The following NAPSA variants were observed in gnomAD, a reference collection of about 807,000 sequenced individuals.
NAPSA encodes napsin A aspartic peptidase.
NAPSA carries 37 observed loss-of-function variants against 36.7 expected under a neutral mutation model. The observed-to-expected ratio is 1.01, with a 90% confidence interval of 0.78 to 1.33. The LOEUF (loss-of-function observed/expected upper bound fraction) is 1.33. NAPSA is among the 40% of genes most tolerant of loss of function. NAPSA has a pLI of 0.00. For missense variants in NAPSA, 532 were observed against 543.8 expected (o/e 0.98, Z 0.21); for synonymous variants, 222 against 234.5 (o/e 0.95, Z 0.49).
intron 2 of NAPSA, 30 bp from the exon 3 acceptor site, chr19:50,362,122 A>C: frequency 6.2e-7 from 1 of 1,613,634 alleles, no homozygotes; most frequent in South Asian, 1.1e-5. Context: ...GTAAACGAAG[A>C]GTTTGGCTCA....
chr19:50,359,165 T>G, intron 7 of NAPSA, 56 bp from the exon 8 acceptor site: 1 of 1,463,906 alleles, frequency 6.8e-7, no homozygotes, highest in Non-Finnish European at 9.5e-7. Context: ...TTCAGTCCCT[T>G]CCGTGGCTCC....
intron 5 of NAPSA, 93 bp from the exon 6 acceptor site, chr19:50,359,955 G>GGAGTTGTT: frequency 6.6e-7 from 1 of 1,519,994 alleles, no homozygotes; most frequent in Non-Finnish European, 8.9e-7. Context: ...CCCACCAACT[G>GGAGTTGTT]GGTTGTTTCT....
chr19:50,368,916 G>A (rs555711663), upstream of NAPSA, among the ~76,000 whole-genome samples: 12 of 152,310 alleles, frequency 7.9e-5, no homozygotes, highest in East Asian at 3.9e-4. Context: ...ACGGGAAAAG[G>A]AGCAGAACAG....
At chr19:50,367,594 C>G (rs550982966), upstream of NAPSA, among the ~76,000 whole-genome samples, 7 of 151,066 alleles carry the variant, frequency 4.6e-5, no homozygotes, top group East Asian at 1.4e-3. Context: ...CTCTGTCTCT[C>G]TCTCTCTGCT....
At chr19:50,368,829 G>A (rs1195787106), upstream of NAPSA, among the ~76,000 whole-genome samples, 5 of 152,252 alleles carry the variant, frequency 3.3e-5, no homozygotes, top group African/African-American at 9.6e-5. Flanking sequence ...GGAACACCAG[G>A]CTCTCTCCAG....
chr19:50,358,961 C>T (rs373362023), intron 8 of NAPSA, 50 bp downstream of exon 8: 43 of 1,528,158 alleles, frequency 2.8e-5, no homozygotes, highest in Non-Finnish European at 3.8e-5. Context: ...GCTCTACCCT[C>T]TCAAACCGTC....
At chr19:50,359,351 C>T in intron 7 of NAPSA, 152 bp downstream of exon 7, 1 of 1,082,706 alleles carries the variant, frequency 9.2e-7, no homozygotes, top group South Asian at 1.5e-5. Flanking sequence ...CTCAATTCCT[C>T]CACCACCCTC....
rs189502952 is a variant in NAPSA at position 50,363,090 on chromosome 19, A to G, written c.84-777T>C. The stretch of plus-strand genomic sequence containing the variant: ...ATTAGGTTCAAAAAGCAGGTTAACA[A>G]GCACCATGTGCGGTAATATCTTCGT... On this transcript the variant is annotated intron_variant, in intron 1 of 8. Coordinates refer to ENST00000253719, the MANE Select transcript of NAPSA (RefSeq NM_004851.3). Among the ~76,000 whole-genome samples, 23 of 152,312 alleles carry G rather than the reference A, an allele frequency of 1.5e-4. 1 individual carries two copies. Among genetic ancestry groups the G allele is most frequent in the African/African-American group, 5.5e-4 (23 of 41,548 alleles).
Position 50,359,868 on chromosome 19 carries a change from G to A in NAPSA, c.669-6C>T, listed in dbSNP as rs753918630. 1 of 1,613,548 alleles carries A rather than the reference G, an allele frequency of 6.2e-7. No individual in the cohort carries two copies. Among genetic ancestry groups the A allele is most frequent in the Middle Eastern group, 1.6e-4 (1 of 6,062 alleles). On this transcript the variant is annotated splice_polypyrimidine_tract_variant and splice_region_variant and intron_variant, in intron 5 of 8. Coordinates refer to ENST00000253719, the MANE Select transcript of NAPSA (RefSeq NM_004851.3). The stretch of plus-strand genomic sequence containing the variant: ...CATCAGGCTCTTCAGGGTCCCTGCA[G>A]GGGCAGAGTGTAGAGAGTGTAGATG...
chr19:50,368,828 G>A (rs56234408), upstream of NAPSA, among the ~76,000 whole-genome samples: 1,367 of 152,350 alleles, frequency 9.0e-3, 23 homozygotes, highest in African/African-American at 0.03. Flanking sequence ...TGGAACACCA[G>A]GCTCTCTCCA....
At position 50,358,630 on chromosome 19, in the gene NAPSA, C is replaced by G; in HGVS notation, c.1186G>C (p.Val396Leu). ...DRGDMKSSAR[V>L]GLARARTRGA... ...CGAGTGCGAGCGCGCGCCAGGCCCA[C>G]CCGGGCGCTGCTCTTCATGTCCCCG... Residue 396 changes from valine to leucine, a missense_variant, in exon 9 of 9, where the codon GTG (valine) becomes CTG (leucine). By Grantham distance (32) the Val-to-Leu change is conservative. Transcript: ENST00000253719. The G allele has an allele frequency of 6.2e-7, 1 of 1,612,820 alleles. No individual in the cohort carries two copies. Among genetic ancestry groups the G allele is most frequent in the Non-Finnish European group, 8.5e-7 (1 of 1,179,876 alleles).
At chr19:50,367,761 C>T (rs2037567816), upstream of NAPSA, among the ~76,000 whole-genome samples, 1 of 152,156 alleles carries the variant, frequency 6.6e-6, no homozygotes, top group African/African-American at 2.4e-5. Context: ...TAGCAGGTTC[C>T]AAAGGCAGCC....
At chr19:50,360,412 G>A (rs2037456755) in intron 5 of NAPSA, among the ~76,000 whole-genome samples, 1 of 152,148 alleles carries the variant, frequency 6.6e-6, no homozygotes, top group Non-Finnish European at 1.5e-5. Flanking sequence ...AGGATTTTCT[G>A]ACTGTGTGTG....
intron 5 of NAPSA, 26 bp from the exon 6 acceptor site, chr19:50,359,888 T>C: frequency 6.2e-7 from 1 of 1,604,220 alleles, no homozygotes; most frequent in Non-Finnish European, 8.5e-7. Flanking sequence ...GTAGAGAGTG[T>C]AGATGTCAGT....
chr19:50,368,519 T>C (rs774916028), upstream of NAPSA, among the ~76,000 whole-genome samples: 1 of 151,912 alleles, frequency 6.6e-6, no homozygotes, highest in Non-Finnish European at 1.5e-5. Context: ...ACATAAATAA[T>C]GGTAAAGATC....
chr19:50,360,541 G>T lies in NAPSA; in HGVS notation c.668+400C>A, dbSNP rs191906326. On this transcript the variant is annotated intron_variant, in intron 5 of 8. Coordinates refer to ENST00000253719, the MANE Select transcript of NAPSA (RefSeq NM_004851.3). Reference sequence around the variant, plus strand: ...AGTGGGACTTCCTGGATTAAATCGGGCAATTCCTGACTTCTGGTCAGTGTT... The same window carrying T: ...AGTGGGACTTCCTGGATTAAATCGGTCAATTCCTGACTTCTGGTCAGTGTT... 5.1e-4 allele frequency among the ~76,000 whole-genome samples: 77 copies of T among 152,242 alleles called. 1 individual carries two copies. The highest frequency in any genetic ancestry group is 4.2e-3 in the Admixed American group (64 of 15,296).
intron 4 of NAPSA, chr19:50,361,342 C>T: frequency 1.7e-6 from 1 of 597,110 alleles, no homozygotes; most frequent in Non-Finnish European, 2.9e-6. Flanking sequence ...CCCACCTCTT[C>T]ACCCAGGAAG....
upstream of NAPSA, among the ~76,000 whole-genome samples, chr19:50,367,543 T>TCTCC (rs1427708759): frequency 1.2e-4 from 17 of 138,376 alleles, no homozygotes; most frequent in African/African-American, 2.8e-4. Flanking sequence ...TCAGTCTCTC[T>TCTCC]CTCTCCCTCT....
intron 7 of NAPSA, 154 bp downstream of exon 7, chr19:50,359,349 C>T: frequency 9.4e-7 from 1 of 1,069,174 alleles, no homozygotes; most frequent in Non-Finnish European, 1.3e-6. Context: ...TCCTCAATTC[C>T]TCCACCACCC....
Sources: allele counts gnomAD v4.1 joint callset (sites outside exome capture counted in the v4.1 genomes callset), GRCh38; gene constraint gnomAD v4.1.1; transcripts MANE v1.5; gene names NCBI Gene and HGNC (gene_info 2026-07-23, HGNC 2026-07-21).